The following SLITRK3 variants were observed in gnomAD, a reference collection of about 807,000 sequenced individuals.
SLITRK3 encodes SLIT and NTRK-like protein 3.
Under a neutral mutation model 63.6 loss-of-function variants are expected in SLITRK3, and 16 were observed. That is an observed-to-expected ratio of 0.25 (90% CI 0.17 to 0.38). The LOEUF is 0.38. SLITRK3 is among the 10% of genes least tolerant of loss of function. SLITRK3 has a pLI of 1.00. For missense variants in SLITRK3, 1,117 were observed against 1,181.4 expected (o/e 0.95, Z 0.80); for synonymous variants, 547 against 451.6 (o/e 1.21, Z -2.68).
Position 165,193,956 on chromosome 3 carries a change from C to A in SLITRK3, c.-22+1624G>T, listed in dbSNP as rs528174136. 9.9e-5 allele frequency among the ~76,000 whole-genome samples: 15 copies of A among 152,172 alleles called. No individual in the cohort carries two copies. The East Asian group carries it at 1.9e-3, about 20-fold the overall frequency. On this transcript the variant is annotated intron_variant, in intron 1 of 1. Transcript: ENST00000475390. ...GGACTACCAGATGACAGTTCAGGAA[C>A]GCTTTCAGAGGAATTTTTTTAAGGC...
chr3:165,188,647 G>A lies in SLITRK3; in HGVS notation c.2184C>T (p.Ser728=). Residue 728 remains serine, a synonymous_variant, in exon 2 of 2, where the codon TCC becomes TCT. Transcript: ENST00000475390. ...CCACGGGAGGGGCCTTCTCTGGAGA[G>A]GAAAGAGTTGGTCGACCACCACCCC... ...GSGGGGRPTL[S]SPEKAPPVGH... 1 of 1,613,878 alleles carries A rather than the reference G, an allele frequency of 6.2e-7. No homozygotes were observed. Among genetic ancestry groups the A allele is most frequent in the Non-Finnish European group, 8.5e-7 (1 of 1,179,952 alleles).
At chr3:165,191,633 C>T (rs1177634369) in intron 1 of SLITRK3, among the ~76,000 whole-genome samples, 33 of 152,134 alleles carry the variant, frequency 2.2e-4, no homozygotes, top group Admixed American at 2.2e-3. Flanking sequence ...AAAAAACATG[C>T]CCGTGCAATT....
intron 1 of SLITRK3, among the ~76,000 whole-genome samples, chr3:165,193,260 G>C (rs1267204802): frequency 6.8e-6 from 1 of 147,604 alleles, no homozygotes; most frequent in East Asian, 2.0e-4. Context: ...GATGGGGGAG[G>C]GGGGCAGGGA....
rs1317633998 is a variant in SLITRK3 at position 165,187,461 on chromosome 3, A to G, written c.*436T>C. The stretch of plus-strand genomic sequence containing the variant: ...ATGATAAGAAAGAAAGCCACAAATG[A>G]CAAATGTCAACTTGTTTCCCCCCCT... On this transcript the variant is annotated 3_prime_UTR_variant, in exon 2 of 2. Coordinates refer to ENST00000475390, the MANE Select transcript of SLITRK3 (RefSeq NM_001318810.2). 1 of 153,090 alleles carries G rather than the reference A, an allele frequency of 6.5e-6. No homozygotes were observed. The highest frequency in any genetic ancestry group is 6.6e-5 in the Admixed American group (1 of 15,192). The allele number at this position is 153,090 out of a possible 1,614,324, so 9.5% of individuals were successfully genotyped here. A position where few individuals can be genotyped will look rare whatever the true frequency, so the allele number is the denominator to read the frequency against.
At chr3:165,197,055 C>T (rs1050009204), upstream of SLITRK3, 4 of 152,072 alleles carry the variant, frequency 2.6e-5, no homozygotes, top group Non-Finnish European at 4.4e-5. Context: ...TCAAGAGACA[C>T]CCTGTGAAAT....
At chr3:165,194,623 C>T (rs528722018) in intron 1 of SLITRK3, among the ~76,000 whole-genome samples, 2 of 152,144 alleles carry the variant, frequency 1.3e-5, no homozygotes, top group Admixed American at 1.3e-4. Context: ...CACCCTCCCC[C>T]CCATCCCCCG....
In SLITRK3 at chr3:165,188,488, C is replaced by T; in HGVS notation, c.2343G>A (p.Gly781=). 2 of 1,613,952 alleles carry T rather than the reference C, an allele frequency of 1.2e-6. No homozygotes were observed. Among genetic ancestry groups the T allele is most frequent in the Non-Finnish European group, 1.7e-6 (2 of 1,179,974 alleles). ...CCTCACCCATTCCCGGTGGTTGTGTCCCTGGACCCCCACGTTCTGCACTCC... is the reference window on the plus strand; with the variant it reads ...CCTCACCCATTCCCGGTGGTTGTGTTCCTGGACCCCCACGTTCTGCACTCC... ...EAGSAERGGP[G]TQPPGMGEAL... is the part of the protein sequence containing the mutation. Residue 781 remains glycine (G), a synonymous_variant, in exon 2 of 2, where the codon GGG becomes GGA. Transcript: ENST00000475390.
rs775258066 is a variant in SLITRK3 at position 165,190,653 on chromosome 3, G to A, written c.178C>T (p.His60Tyr). The A allele has an allele frequency of 1.6e-5, 26 of 1,614,066 alleles. No individual in the cohort carries two copies. The highest frequency in any genetic ancestry group is 2.0e-5 in the Non-Finnish European group (24 of 1,179,958). ...CEVKESLFHIHCDSKGFTNIS... is the reference protein window; with the variant it reads ...CEVKESLFHIYCDSKGFTNIS... ...TTTGTAAATCCTTTACTGTCACAAT[G>A]TATATGAAAGAGGCTTTCTTTAACT... Residue 60 changes from histidine (H) to tyrosine (Y), a missense_variant, in exon 2 of 2, where the codon CAT becomes TAT. By Grantham distance (83) the His-to-Tyr change is moderately conservative (BLOSUM62 2). Around this residue, in one of 4 missense-constraint regions of SLITRK3, gnomAD observed 452 missense variants for 495.3 expected, o/e 0.91. Transcript: ENST00000475390.
chr3:165,195,353 G>A, intron 1 of SLITRK3, among the ~76,000 whole-genome samples: 1 of 152,138 alleles, frequency 6.6e-6, no homozygotes, highest in African/African-American at 2.4e-5. Flanking sequence ...TACTTACGAT[G>A]TCTTCACCCA....
chr3:165,194,624 C>A (rs1005718106), intron 1 of SLITRK3, among the ~76,000 whole-genome samples: 73 of 152,250 alleles, frequency 4.8e-4, no homozygotes, highest in Non-Finnish European at 6.5e-4. Context: ...ACCCTCCCCC[C>A]CATCCCCCGC....
intron 1 of SLITRK3, among the ~76,000 whole-genome samples, chr3:165,192,840 TGCCGC>T (rs1718283885): frequency 6.6e-6 from 1 of 152,102 alleles, no homozygotes; most frequent in African/African-American, 2.4e-5. Context: ...CTGCTGCCCC[TGCCGC>T]TGCCGCCGCG....
chr3:165,189,151 A>G lies in SLITRK3; in HGVS notation c.1680T>C (p.Asn560=), dbSNP rs779152809. ...CACAGGTGCAGTCCCAAGGATTCTC[A>G]TTGAGGTCTATCTGGACAATGGCAT... ...HLNAIVQIDL[N]ENPWDCTCDL... Residue 560 remains asparagine (N), a synonymous_variant, in exon 2 of 2, where the codon AAT becomes AAC. Coordinates refer to ENST00000475390, the MANE Select transcript of SLITRK3 (RefSeq NM_001318810.2). This position sits in a 1 kb window ranked among gnomAD's most constrained non-coding sequence, Gnocchi z 4.0. The G allele has an allele frequency of 3.7e-6, 6 of 1,613,050 alleles. No homozygotes were observed. The South Asian group carries it at 6.6e-5, about 18-fold the overall frequency.
In SLITRK3 at chr3:165,188,126, C is replaced by A. The variant is rs1478661654; in HGVS notation, c.2705G>T (p.Cys902Phe). Residue 902 changes from cysteine to phenylalanine, a missense_variant, in exon 2 of 2, where the codon TGT becomes TTT. Physicochemically the swap from Cys to Phe is radical, Grantham distance 205 (BLOSUM62 -2). Coordinates refer to ENST00000475390, the MANE Select transcript of SLITRK3 (RefSeq NM_001318810.2). ...PAPCTVGFVD[C>F]LYGTVPKLKE... ...TAATTTGGGCACTGTTCCATAGAGA[C>A]AGTCCACAAATCCCACTGTGCAGGG... is the stretch of plus-strand genomic sequence containing the variant. 1.2e-6 allele frequency: 2 copies of A among 1,613,286 alleles called. No individual in the cohort carries two copies. The highest frequency in any genetic ancestry group is 1.7e-5 in the Admixed American group (1 of 59,898).
Position 165,188,634 on chromosome 3 carries a change from C to T in SLITRK3, c.2197G>A (p.Ala733Thr). ...GRPTLSSPEK[A>T]PPVGHVYEYI... Reference sequence around the variant, plus strand: ...TCATACACATGACCCACGGGAGGGGCCTTCTCTGGAGAGGAAAGAGTTGGT... The same window carrying T: ...TCATACACATGACCCACGGGAGGGGTCTTCTCTGGAGAGGAAAGAGTTGGT... Residue 733 changes from alanine to threonine, a missense_variant, in exon 2 of 2, where the codon GCC becomes ACC. This residue lies in a region of SLITRK3 where 499 missense variants were observed against 463.6 expected (regional missense o/e 1.08). Coordinates refer to ENST00000475390, the MANE Select transcript of SLITRK3 (RefSeq NM_001318810.2). 1 of 1,613,880 alleles carries T rather than the reference C, an allele frequency of 6.2e-7. No homozygotes were observed. Among genetic ancestry groups the T allele is most frequent in the Non-Finnish European group, 8.5e-7 (1 of 1,179,874 alleles).
Position 165,189,535 on chromosome 3 carries a change from A to G in SLITRK3, c.1296T>C (p.Ser432=), listed in dbSNP as rs1253869911. The part of the protein sequence containing the change: ...KIYRSDFWNF[S]SLDLLHLGNN... ...TCCCCAGATGCAAGAGATCCAAGGA[A>G]GAAAAATTCCAAAAATCAGAACGGT... The change falls in exon 2 of 2, where the codon TCT becomes TCC. Residue 432 remains serine, a synonymous_variant. Coordinates refer to ENST00000475390, the MANE Select transcript of SLITRK3 (RefSeq NM_001318810.2). The surrounding 1 kb of genome is among the most constrained non-coding windows in gnomAD (Gnocchi z 4.0). The G allele has an allele frequency of 6.2e-7, 1 of 1,614,118 alleles. No homozygotes were observed. Among genetic ancestry groups the G allele is most frequent in the South Asian group, 1.1e-5 (1 of 91,084 alleles).
In SLITRK3 at chr3:165,188,897, G is replaced by A; in HGVS notation, c.1934C>T (p.Ser645Phe). 1 of 1,614,148 alleles carries A rather than the reference G, an allele frequency of 6.2e-7. No individual in the cohort carries two copies. The highest frequency in any genetic ancestry group is 8.5e-7 in the Non-Finnish European group (1 of 1,180,018). The change falls in exon 2 of 2, where the codon TCT becomes TTT. Residue 645 changes from serine to phenylalanine, a missense_variant. Physicochemically the swap from Ser to Phe is radical, Grantham distance 155. Transcript: ENST00000475390. ...APTSASPYEF[S>F]PPGGPVPLSV... ...AAGTGGCACAGGGCCCCCAGGAGGA[G>A]AAAACTCATAAGGTGATGCACTGGT...
intron 1 of SLITRK3, among the ~76,000 whole-genome samples, chr3:165,193,853 A>G (rs1245033278): frequency 1.3e-5 from 2 of 151,840 alleles, no homozygotes; most frequent in Non-Finnish European, 2.9e-5. Context: ...TTTCTCCGTG[A>G]AATTTTCGGG....
intron 1 of SLITRK3, among the ~76,000 whole-genome samples, chr3:165,191,338 T>C (rs1287186681): frequency 6.6e-6 from 1 of 152,220 alleles, no homozygotes; most frequent in Non-Finnish European, 1.5e-5. Context: ...AGACATGATA[T>C]ACTCCAAAAT....
chr3:165,194,932 A>G (rs6443475), intron 1 of SLITRK3, among the ~76,000 whole-genome samples: 150,803 of 152,216 alleles, frequency 0.99, 74,706 homozygotes, highest in East Asian at 1. Context: ...ATGGGGCCCC[A>G]GTTTTTTCCG....
Sources: allele counts gnomAD v4.1 joint callset (sites outside exome capture counted in the v4.1 genomes callset), GRCh38; gene constraint gnomAD v4.1.1; regional missense constraint gnomAD v4.1.1; non-coding constraint Gnocchi (gnomAD v3.1); transcripts MANE v1.5; gene names NCBI Gene and HGNC (gene_info 2026-07-23, HGNC 2026-07-21).